Variants in ADAM32 observed in about 807,000 individuals in gnomAD.
The protein encoded by ADAM32 is disintegrin and metalloproteinase domain-containing protein 32.
A neutral mutation model predicts 114.9 loss-of-function variants in ADAM32; 89 were observed. That is an observed-to-expected ratio of 0.77 (90% confidence interval 0.65 to 0.92). The LOEUF (loss-of-function observed/expected upper bound fraction) is 0.92, where lower values mean the gene tolerates loss of function less well. Ranked by LOEUF, ADAM32 falls within the 40% of genes least tolerant of loss-of-function variation. ADAM32 has a pLI of 0.00. For synonymous variants in ADAM32, 285 were observed against 307.5 expected (o/e 0.93, Z 0.77); for missense variants, 870 against 932.8 (o/e 0.93, Z 0.88).
At chr8:39,244,688 C>T (rs552081571) in intron 16 of ADAM32, among the ~76,000 whole-genome samples, 8 of 152,062 alleles carry the variant, frequency 5.3e-5, no homozygotes, top group African/African-American at 1.7e-4. Flanking sequence ...CATCACACAC[C>T]GGGGCCTGTT....
At chr8:39,158,834 ATG>A (rs1272780718) in intron 6 of ADAM32, 1 of 152,002 alleles carries the variant, frequency 6.6e-6, no homozygotes, top group African/African-American at 2.4e-5. Flanking sequence ...GTGAATTTTC[ATG>A]TGTTTTACTT....
At chr8:39,263,661 C>T (rs918002612) in intron 19 of ADAM32, among the ~76,000 whole-genome samples, 1 of 152,134 alleles carries the variant, frequency 6.6e-6, no homozygotes, top group African/African-American at 2.4e-5. Context: ...ACCACTAGCT[C>T]AATAAAATGT....
chr8:39,159,029 T>A (rs7837602), intron 6 of ADAM32, among the ~76,000 whole-genome samples: 150,465 of 152,248 alleles, frequency 0.99, 74,375 homozygotes, highest in Middle Eastern at 1. Flanking sequence ...GGGCTTCCAG[T>A]GGTACCATTT....
chr8:39,256,265 G>A (rs1358748839), intron 18 of ADAM32, among the ~76,000 whole-genome samples: 1 of 151,872 alleles, frequency 6.6e-6, no homozygotes, highest in Non-Finnish European at 1.5e-5. Flanking sequence ...TTATCTTTTA[G>A]AATATTTTCA....
intron 3 of ADAM32, among the ~76,000 whole-genome samples, chr8:39,141,720 G>A (rs1803166437): frequency 6.6e-6 from 1 of 152,186 alleles, no homozygotes; most frequent in Non-Finnish European, 1.5e-5. Context: ...TTGGTCCGGA[G>A]CTGAGTTCAA....
intron 7 of ADAM32, among the ~76,000 whole-genome samples, chr8:39,163,673 T>C (rs1354805025): frequency 6.6e-6 from 1 of 152,208 alleles, no homozygotes; most frequent in Non-Finnish European, 1.5e-5. Context: ...ATTGGGGATA[T>C]AGCAGTGAAT....
rs1340886997 is a variant in ADAM32 at position 39,237,304 on chromosome 8, AG to A, written c.1818+3224del. 2.6e-5 allele frequency among the ~76,000 whole-genome samples: 4 copies of A among 152,196 alleles called. No individual in the cohort carries two copies. In the East Asian group the frequency reaches 7.7e-4, roughly 29 times the overall value. On this transcript the variant is annotated intron_variant, in intron 16 of 24. Transcript: ENST00000379907. ...GAATTGGGGAAGGGCCACAAGGATA[AG>A]GAGACTTCCAGCTCAACCTTGTAAA...
At chr8:39,231,196 A>G (rs1283304842) in intron 14 of ADAM32, among the ~76,000 whole-genome samples, 1 of 152,158 alleles carries the variant, frequency 6.6e-6, no homozygotes, top group Non-Finnish European at 1.5e-5. Context: ...TGAGCCCTTA[A>G]AAGACAGGAA....
At chr8:39,140,055 C>T (rs1182100386) in intron 3 of ADAM32, among the ~76,000 whole-genome samples, 1 of 152,156 alleles carries the variant, frequency 6.6e-6, no homozygotes, top group Non-Finnish European at 1.5e-5. Context: ...AGTTACTTAT[C>T]AGCTTAAGGA....
chr8:39,203,514 C>G (rs1160583012), intron 11 of ADAM32, among the ~76,000 whole-genome samples: 1 of 152,066 alleles, frequency 6.6e-6, no homozygotes, highest in Non-Finnish European at 1.5e-5. Flanking sequence ...TTATTTTGAG[C>G]CTATGTGTGT....
At chr8:39,194,675 G>C (rs1366809377) in intron 11 of ADAM32, among the ~76,000 whole-genome samples, 1 of 152,170 alleles carries the variant, frequency 6.6e-6, no homozygotes, top group Non-Finnish European at 1.5e-5. Context: ...GCTGCAAGCA[G>C]TCATGGCCAT....
intron 10 of ADAM32, among the ~76,000 whole-genome samples, chr8:39,171,502 C>A (rs1564527567): frequency 6.6e-6 from 1 of 152,028 alleles, no homozygotes; most frequent in African/African-American, 2.4e-5. Context: ...TGTGATTTTG[C>A]AGCACCTATT....
rs752693783 is a variant in ADAM32 at position 39,222,991 on chromosome 8, A to G, written c.1327-49A>G. On this transcript the variant is annotated intron_variant, in intron 13 of 24. Coordinates refer to ENST00000379907, the MANE Select transcript of ADAM32 (RefSeq NM_145004.7). The stretch of plus-strand genomic sequence containing the variant: ...AATTTTGAAGTAAATATTAACAAAC[A>G]GTAATCCTATTTGTAATGCTTTATT... 1.3e-5 allele frequency: 19 copies of G among 1,438,096 alleles called. No individual in the cohort carries two copies. The South Asian group carries it at 2.0e-4, about 15-fold the overall frequency. The allele number at this position is 1,438,096 out of a possible 1,614,324, so 89.1% of individuals were successfully genotyped here.
Position 39,260,899 on chromosome 8 carries a change from A to AT in ADAM32, c.2162+3565dup, listed in dbSNP as rs796709493. Among the ~76,000 whole-genome samples, 890 of 150,732 alleles carry AT rather than the reference A, an allele frequency of 5.9e-3. 7 individuals are homozygous for AT. The highest frequency in any genetic ancestry group is 0.021 in the African/African-American group (847 of 41,174). On this transcript the variant is annotated intron_variant, in intron 19 of 24. Transcript: ENST00000379907. ...GTTCTGTTTTTTTCTTTGTTGGGAG[A>AT]TTTTTTTTTAATTGCAAGTTTTATT...
At chr8:39,166,166 C>T (rs1251475518) in intron 9 of ADAM32, 3 of 152,100 alleles carry the variant, frequency 2.0e-5, no homozygotes, top group Non-Finnish European at 4.4e-5. Context: ...ATACACTGCA[C>T]CATATTTGTA....
intron 16 of ADAM32, among the ~76,000 whole-genome samples, chr8:39,244,468 A>G (rs1810764512): frequency 6.6e-6 from 1 of 152,260 alleles, no homozygotes; most frequent in South Asian, 2.1e-4. Context: ...CCAATGGAAC[A>G]GAATAGAGCT....
chr8:39,234,151 C>T, intron 16 of ADAM32, 69 bp downstream of exon 16: 1 of 1,123,868 alleles, frequency 8.9e-7, no homozygotes, highest in Non-Finnish European at 1.1e-6. Flanking sequence ...ATTTAAGTAT[C>T]AAATTTTAAT....
At chr8:39,236,891 G>T (rs902553545) in intron 16 of ADAM32, among the ~76,000 whole-genome samples, 2 of 152,232 alleles carry the variant, frequency 1.3e-5, no homozygotes, top group Non-Finnish European at 2.9e-5. Context: ...TGGATGGACA[G>T]CGTGTGGAGA....
intron 17 of ADAM32, 35 bp downstream of exon 17, chr8:39,246,201 T>C (rs762276759): frequency 6.3e-7 from 1 of 1,585,918 alleles, no homozygotes; most frequent in Non-Finnish European, 8.6e-7. Context: ...ATCACATTTC[T>C]TGGACACTTT....
Sources: gnomAD v4.1 joint callset for allele counts (sites outside exome capture counted in the v4.1 genomes callset) on GRCh38, gnomAD v4.1.1 for gene constraint, MANE v1.5 for transcripts, NCBI Gene and HGNC (gene_info 2026-07-23, HGNC 2026-07-21) for gene names.